The following LPP variants were observed in gnomAD, a reference collection of about 807,000 sequenced individuals.
LPP encodes LIM domain containing preferred translocation partner in lipoma, also known as lipoma-preferred partner.
LPP carries 38 observed loss-of-function variants against 60.4 expected under a neutral mutation model. The ratio of observed to expected loss-of-function variants is 0.63; its 90% CI spans 0.49 to 0.83. The LOEUF (loss-of-function observed/expected upper bound fraction) is 0.83. Among genes scored for constraint, LPP ranks in the 40% least tolerant of loss-of-function variants. The pLI is 0.00. For synonymous variants in LPP, 328 were observed against 290.8 expected, an observed-to-expected ratio of 1.13 and a Z score of -1.30; for missense variants, 902 against 783.6, an observed-to-expected ratio of 1.15 and a Z score of -1.80.
At chr3:188,614,370 G>T (rs1176819974) in intron 7 of LPP, among the ~76,000 whole-genome samples, 1 of 152,206 alleles carries the variant, frequency 6.6e-6, no homozygotes, top group Non-Finnish European at 1.5e-5. Flanking sequence ...AAATGGAAGA[G>T]ATGATTAGGG....
intron 9 of LPP, among the ~76,000 whole-genome samples, chr3:188,770,794 G>A (rs895612037): frequency 6.6e-6 from 1 of 152,182 alleles, no homozygotes; most frequent in Non-Finnish European, 1.5e-5. Flanking sequence ...AATTTAAAGT[G>A]AGACCTGGTT....
intron 5 of LPP, among the ~76,000 whole-genome samples, chr3:188,486,733 A>G (rs917432821): frequency 6.6e-6 from 1 of 152,252 alleles, no homozygotes; most frequent in African/African-American, 2.4e-5. Context: ...TATTGCAAAT[A>G]TAGGCCATGA....
intron 2 of LPP, among the ~76,000 whole-genome samples, chr3:188,260,663 G>A (rs1349098180): frequency 6.6e-6 from 1 of 152,118 alleles, no homozygotes; most frequent in Non-Finnish European, 1.5e-5. Flanking sequence ...GTTTTTTAAG[G>A]CAACTGTGAC....
At chr3:188,489,390 A>G (rs1254159212) in intron 5 of LPP, among the ~76,000 whole-genome samples, 2 of 152,180 alleles carry the variant, frequency 1.3e-5, no homozygotes, top group Non-Finnish European at 2.9e-5. Flanking sequence ...TCATAGAAAC[A>G]ATTTAAATTG....
At chr3:188,760,437 C>CGT (rs199666786) in intron 9 of LPP, among the ~76,000 whole-genome samples, 155 bp downstream of exon 9, 11 of 30,480 alleles carry the variant, frequency 3.6e-4, no homozygotes, top group African/African-American at 6.1e-4. Context: ...TGTGTGTGTG[C>CGT]GTGCGCGCAT....
At position 188,295,821 on chromosome 3, in the gene LPP, C is replaced by A. The variant is rs571933885; in HGVS notation, c.-66-45842C>A. Among the ~76,000 whole-genome samples the A allele has an allele frequency of 2.3e-4, 35 of 152,328 alleles. No individual in the cohort carries two copies. The Middle Eastern group carries it at 0.014, about 59-fold the overall frequency. On this transcript the variant is annotated intron_variant, in intron 2 of 11. Coordinates refer to ENST00000617246, the MANE Select transcript of LPP (RefSeq NM_001375462.1). Reference sequence around the variant, plus strand: ...GGATTATAGATATGAGCCCCGTGCCCAGCCTTTATTTTGTTTTTAAGTGAG... The same window carrying A: ...GGATTATAGATATGAGCCCCGTGCCAAGCCTTTATTTTGTTTTTAAGTGAG...
chr3:188,886,394 C>T lies in LPP; in HGVS notation c.*11915C>T, dbSNP rs1411615504. ...TGTGGCCAGTGAGTGGAAAATGATTCTTGTCGAATAGACAGAGTATTCCCA... is the reference window on the plus strand; with the variant it reads ...TGTGGCCAGTGAGTGGAAAATGATTTTTGTCGAATAGACAGAGTATTCCCA... On this transcript the variant is annotated 3_prime_UTR_variant, in exon 12 of 12. Transcript: ENST00000617246. The T allele has an allele frequency of 1.1e-5, 2 of 181,476 alleles. No individual in the cohort carries two copies. Among genetic ancestry groups the T allele is most frequent in the Non-Finnish European group, 2.3e-5 (2 of 87,026 alleles). The allele number at this position is 181,476 out of a possible 1,614,324, so 11.2% of individuals were successfully genotyped here.
At chr3:188,347,597 A>AC (rs1208026473) in intron 3 of LPP, among the ~76,000 whole-genome samples, 14 of 151,802 alleles carry the variant, frequency 9.2e-5, no homozygotes, top group Middle Eastern at 3.4e-3. Context: ...CTCCCGGCCT[A>AC]CCCCCCCATT....
intron 1 of LPP, among the ~76,000 whole-genome samples, chr3:188,187,116 G>A (rs1261359648): frequency 1.3e-5 from 2 of 152,112 alleles, no homozygotes; most frequent in East Asian, 1.9e-4. Context: ...TTTGCATCTC[G>A]AGGGTTTATA....
intron 4 of LPP, among the ~76,000 whole-genome samples, chr3:188,417,495 G>T (rs529170274): frequency 6.6e-6 from 1 of 152,150 alleles, no homozygotes; most frequent in African/African-American, 2.4e-5. Flanking sequence ...AATTTTGGCA[G>T]CTCTTTGCTG....
intron 3 of LPP, among the ~76,000 whole-genome samples, chr3:188,350,407 GTCTC>G (rs1328904261): frequency 3.3e-5 from 5 of 152,216 alleles, no homozygotes; most frequent in African/African-American, 9.7e-5. Context: ...TGAAGAGTAA[GTCTC>G]TGTCAGGCAA....
chr3:188,419,884 A>G (rs964351429), intron 4 of LPP, among the ~76,000 whole-genome samples: 3 of 152,188 alleles, frequency 2.0e-5, no homozygotes, highest in Non-Finnish European at 4.4e-5. Flanking sequence ...ACTCCATCTC[A>G]AATAAATGAA....
chr3:188,484,942 C>A (rs1805898988), intron 5 of LPP, among the ~76,000 whole-genome samples: 1 of 152,096 alleles, frequency 6.6e-6, no homozygotes, highest in Non-Finnish European at 1.5e-5. Context: ...ATACTTTTGC[C>A]TACTAATTTT....
chr3:188,430,161 G>A (rs1377688805), intron 4 of LPP, among the ~76,000 whole-genome samples: 1 of 150,980 alleles, frequency 6.6e-6, no homozygotes, highest in African/African-American at 2.4e-5. Flanking sequence ...AGACTTACTA[G>A]GCCTAAAGGA....
intron 1 of LPP, among the ~76,000 whole-genome samples, chr3:188,170,640 T>G (rs1721330546): frequency 6.8e-6 from 1 of 147,762 alleles, no homozygotes; most frequent in African/African-American, 2.4e-5. Context: ...CGAGGGAGTC[T>G]CAGCTTCTTC....
chr3:188,677,930 G>A (rs888918048), intron 7 of LPP, among the ~76,000 whole-genome samples: 12 of 152,080 alleles, frequency 7.9e-5, no homozygotes, highest in East Asian at 1.9e-4. Flanking sequence ...GACAGAGGAC[G>A]CTGATACTTG....
In LPP at chr3:188,887,164, T is replaced by C. The variant is rs1000320794; in HGVS notation, c.*12685T>C. 6 of 227,016 alleles carry C rather than the reference T, an allele frequency of 2.6e-5. No homozygotes were observed. The highest frequency in any genetic ancestry group is 1.3e-4 in the African/African-American group (6 of 45,040). The allele number at this position is 227,016 out of a possible 1,614,324, so 14.1% of individuals were successfully genotyped here. ...CAAGAGAGTAAATATGAAGTCTGAA[T>C]GTCGTTCCTCACCCCCAAATTGTTT... On this transcript the variant is annotated 3_prime_UTR_variant, in exon 12 of 12. Coordinates refer to ENST00000617246, the MANE Select transcript of LPP (RefSeq NM_001375462.1).
chr3:188,748,836 T>G (rs1727142584), intron 8 of LPP, among the ~76,000 whole-genome samples: 1 of 152,142 alleles, frequency 6.6e-6, no homozygotes, highest in African/African-American at 2.4e-5. Context: ...CTGGAAAGTT[T>G]CTGTTAAATG....
chr3:188,700,203 T>G (rs1864110422), intron 7 of LPP, among the ~76,000 whole-genome samples: 1 of 152,186 alleles, frequency 6.6e-6, no homozygotes, highest in Admixed American at 6.5e-5. Context: ...CTTGGCTGCC[T>G]TTTCCCGGTG....
Sources: gnomAD v4.1 joint callset for allele counts (sites outside exome capture counted in the v4.1 genomes callset) on GRCh38, gnomAD v4.1.1 for gene constraint, MANE v1.5 for transcripts, NCBI Gene and HGNC (gene_info 2026-07-23, HGNC 2026-07-21) for gene names.